Variants in ETV1 observed in about 807,000 individuals in gnomAD.
ETV1 encodes the protein ETS variant transcription factor 1.
Under a neutral mutation model 62.3 loss-of-function variants are expected in ETV1, and 27 were observed. The observed-to-expected ratio is 0.43, with a 90% confidence interval of 0.32 to 0.60. The LOEUF is 0.60. Ranked by LOEUF, ETV1 falls within the 20% of genes least tolerant of loss-of-function variation. ETV1 has a pLI of 0.06. For missense variants in ETV1, 605 were observed against 605.8 expected (o/e 1.00, Z 0.01); for synonymous variants, 222 against 199.6 (o/e 1.11, Z -0.94).
At chr7:13,913,722 T>A (rs1278639109) in intron 9 of ETV1, among the ~76,000 whole-genome samples, 2 of 152,144 alleles carry the variant, frequency 1.3e-5, no homozygotes, top group Non-Finnish European at 2.9e-5. Flanking sequence ...TTATATGAGA[T>A]GACTGATTTG....
At chr7:13,988,693 A>G (rs770860535) in intron 3 of ETV1, 2 of 1,612,244 alleles carry the variant, frequency 1.2e-6, no homozygotes, top group African/African-American at 2.7e-5. Context: ...ATTCTTTTCA[A>G]TGTGGCAGAC....
chr7:13,930,383 G>A (rs552085684), intron 9 of ETV1, among the ~76,000 whole-genome samples: 110 of 152,072 alleles, frequency 7.2e-4, no homozygotes, highest in Middle Eastern at 3.4e-3. Context: ...GTGCAGTGGC[G>A]CAATCTTGGC....
At chr7:13,896,200 G>A (rs1781756364) in intron 13 of ETV1, 113 bp from the exon 14 acceptor site, 3 of 753,746 alleles carry the variant, frequency 4.0e-6, no homozygotes, top group Non-Finnish European at 6.4e-6. Flanking sequence ...GGGTAACTCT[G>A]GCCCAAAAAA....
intron 3 of ETV1, chr7:13,988,612 G>C (rs1261708628): frequency 2.7e-6 from 3 of 1,093,778 alleles, no homozygotes; most frequent in South Asian, 5.4e-5. Context: ...AAAAAAAAGA[G>C]AAAATGAGAA....
upstream of ETV1, chr7:13,991,133 T>A (rs1310294412): frequency 1.3e-5 from 2 of 152,136 alleles, no homozygotes; most frequent in Non-Finnish European, 2.9e-5. Context: ...TATAAGCATT[T>A]TGAGCGGGAA....
intron 9 of ETV1, among the ~76,000 whole-genome samples, chr7:13,925,874 A>T (rs1046399449): frequency 6.6e-5 from 10 of 151,316 alleles, no homozygotes; most frequent in South Asian, 2.1e-4. Context: ...TTTTTTTTTT[A>T]AATACTCATT....
intron 6 of ETV1, among the ~76,000 whole-genome samples, chr7:13,940,871 C>A (rs1787423079): frequency 1.3e-5 from 2 of 152,014 alleles, no homozygotes; most frequent in African/African-American, 4.8e-5. Flanking sequence ...TACAAGTGTT[C>A]AACAGCAATC....
chr7:13,935,921 G>C, intron 7 of ETV1, 25 bp from the exon 8 acceptor site: 1 of 1,528,600 alleles, frequency 6.5e-7, no homozygotes. Flanking sequence ...AAAGAAGAGA[G>C]AACATTTCTT....
intron 6 of ETV1, among the ~76,000 whole-genome samples, chr7:13,970,297 C>T (rs1176548332): frequency 6.7e-6 from 1 of 148,852 alleles, no homozygotes; most frequent in Non-Finnish European, 1.5e-5. Flanking sequence ...CACACACACA[C>T]ACACACACAC....
At chr7:13,974,260 A>T (rs1371941297) in intron 6 of ETV1, among the ~76,000 whole-genome samples, 1 of 152,236 alleles carries the variant, frequency 6.6e-6, no homozygotes, top group Non-Finnish European at 1.5e-5. Flanking sequence ...TGCAAGGGCA[A>T]AGAGATTTAA....
At chr7:13,939,059 T>C in intron 7 of ETV1, 58 bp downstream of exon 7, 2 of 1,533,492 alleles carry the variant, frequency 1.3e-6, no homozygotes, top group Non-Finnish European at 1.8e-6. Context: ...CATATTATTC[T>C]GGACTTTTTG....
upstream of ETV1, chr7:13,989,848 G>T (rs972534712): frequency 1.6e-5 from 6 of 366,648 alleles, no homozygotes; most frequent in South Asian, 1.5e-4. Flanking sequence ...CCTAGGGGGT[G>T]CTCGGCCGGT....
At chr7:13,989,736 G>C (rs936143772), upstream of ETV1, 2 of 397,184 alleles carry the variant, frequency 5.0e-6, no homozygotes, top group Non-Finnish European at 8.9e-6. Flanking sequence ...CTGATGGATC[G>C]CTGCCTCCCA....
At chr7:13,943,147 A>G (rs969013754) in intron 6 of ETV1, among the ~76,000 whole-genome samples, 2 of 152,226 alleles carry the variant, frequency 1.3e-5, no homozygotes, top group African/African-American at 4.8e-5. Context: ...TTCCCCACTT[A>G]AAAAATGGGC....
intron 9 of ETV1, among the ~76,000 whole-genome samples, chr7:13,930,863 C>A (rs539585700): frequency 6.6e-6 from 1 of 151,666 alleles, no homozygotes; most frequent in African/African-American, 2.4e-5. Context: ...TGCAGTGGTG[C>A]GATCTCGGCT....
intron 9 of ETV1, 112 bp from the exon 10 acceptor site, chr7:13,911,419 G>T (rs181630284): frequency 4.3e-6 from 3 of 690,776 alleles, no homozygotes; most frequent in African/African-American, 3.5e-5. Flanking sequence ...GTTCCAATGT[G>T]GGGAACATGT....
At chr7:13,957,940 T>G (rs1264394440) in intron 6 of ETV1, among the ~76,000 whole-genome samples, 2 of 152,172 alleles carry the variant, frequency 1.3e-5, no homozygotes, top group African/African-American at 4.8e-5. Context: ...TGCATTCTCC[T>G]CCTCACCCCT....
chr7:13,951,502 T>A (rs532275359), intron 6 of ETV1, among the ~76,000 whole-genome samples: 2 of 152,282 alleles, frequency 1.3e-5, no homozygotes, highest in East Asian at 3.9e-4. Context: ...ATAAAGTGTG[T>A]ATTGAGTCCT....
chr7:13,945,119 C>T (rs1193890766), intron 6 of ETV1, among the ~76,000 whole-genome samples: 3 of 152,206 alleles, frequency 2.0e-5, no homozygotes, highest in Non-Finnish European at 4.4e-5. Context: ...TACAGCAGCT[C>T]GAGAAAATTA....
Sources: allele counts gnomAD v4.1 joint callset (sites outside exome capture counted in the v4.1 genomes callset), GRCh38; gene constraint gnomAD v4.1.1; transcripts MANE v1.5; gene names NCBI Gene and HGNC (gene_info 2026-07-23, HGNC 2026-07-21).